ARMC9: variants seen among roughly 807,000 people sequenced by gnomAD.
The protein encoded by ARMC9 is armadillo repeat containing 9, also known as lisH domain-containing protein ARMC9.
In ARMC9, 94 loss-of-function variants were observed where a neutral mutation model predicts 107.0. That is an observed-to-expected ratio of 0.88 (90% CI 0.74 to 1.04). ARMC9 has a LOEUF of 1.04. ARMC9 is among the 50% of genes least tolerant of loss of function. The pLI is 0.00. For missense variants in ARMC9, 942 were observed against 1,030.1 expected (o/e 0.91, Z 1.17); for synonymous variants, 380 against 396.9 (o/e 0.96, Z 0.51).
intron 23 of ARMC9, among the ~76,000 whole-genome samples, chr2:231,365,497 A>G (rs2125597319): frequency 6.6e-6 from 1 of 152,292 alleles, no homozygotes; most frequent in East Asian, 1.9e-4. Flanking sequence ...ATTAAGCCCA[A>G]AGAAAAGCAT....
chr2:231,294,533 C>G (rs897084115), intron 18 of ARMC9: 1 of 152,392 alleles, frequency 6.6e-6, no homozygotes, highest in African/African-American at 2.4e-5. Context: ...GTCTACAAGG[C>G]ACTTCACTTC....
At chr2:231,287,867 T>G (rs1314357869) in intron 17 of ARMC9, among the ~76,000 whole-genome samples, 3 of 152,166 alleles carry the variant, frequency 2.0e-5, no homozygotes, top group African/African-American at 7.2e-5. Flanking sequence ...CATTCCAGCT[T>G]TATTGATCAT....
At chr2:231,256,033 C>T in intron 9 of ARMC9, 4 of 1,439,430 alleles carry the variant, frequency 2.8e-6, no homozygotes, top group Non-Finnish European at 3.7e-6. Flanking sequence ...GAGCAAGACT[C>T]AGTCTCAAAA....
intron 19 of ARMC9, among the ~76,000 whole-genome samples, chr2:231,326,340 T>G (rs577564248): frequency 1.3e-5 from 2 of 152,338 alleles, no homozygotes; most frequent in South Asian, 4.1e-4. Context: ...AAATGTAAGG[T>G]GGGTTCCTTA....
rs181890186 is a variant in ARMC9, at chr2:231,243,600, A to G, written c.879+3559A>G. Among the ~76,000 whole-genome samples, 330 of 152,274 alleles carry G rather than the reference A, an allele frequency of 2.2e-3. 6 individuals are homozygous for G. Among genetic ancestry groups the G allele is most frequent in the Admixed American group, 1.2e-3 (19 of 15,286 alleles). On this transcript the variant is annotated intron_variant, in intron 9 of 24. Transcript: ENST00000611582. ...ACCACTGGAAACCAGAGGAGGGAGG[A>G]TGAGTTATGTTTAGCTTAGTGATAA...
chr2:231,203,608 AG>A (rs2031449682), intron 1 of ARMC9, among the ~76,000 whole-genome samples: 1 of 151,282 alleles, frequency 6.6e-6, no homozygotes, highest in Non-Finnish European at 1.5e-5. Flanking sequence ...GAGGCAGAGG[AG>A]GGAGGATTGA....
intron 14 of ARMC9, 69 bp from the exon 15 acceptor site, chr2:231,276,567 G>C: frequency 6.2e-7 from 1 of 1,600,266 alleles, no homozygotes; most frequent in Non-Finnish European, 8.5e-7. Flanking sequence ...ACTGCTTCCA[G>C]CCTACTGTTT....
intron 9 of ARMC9, among the ~76,000 whole-genome samples, chr2:231,242,292 C>T (rs2036373431): frequency 6.6e-6 from 1 of 152,034 alleles, no homozygotes; most frequent in Non-Finnish European, 1.5e-5. Flanking sequence ...GAAGAGCAGG[C>T]GGCCTTGACC....
In ARMC9 at chr2:231,355,788, T is replaced by C. The variant is rs1487087816; in HGVS notation, c.1995-10T>C. 1 of 1,524,674 alleles carries C rather than the reference T, an allele frequency of 6.6e-7. No individual in the cohort carries two copies. The highest frequency in any genetic ancestry group is 1.4e-5 in the African/African-American group (1 of 72,938). 94.4% of individuals were successfully genotyped at this position (1,524,674 alleles called of 1,614,324 possible). On this transcript the variant is annotated splice_polypyrimidine_tract_variant and intron_variant, in intron 21 of 24. Transcript: ENST00000611582. ...CTGTACTCACTGCCGTTTTTCATGTTTTTCTCCAGGGTGGAAGACCAACAC... is the reference window on the plus strand; with the variant it reads ...CTGTACTCACTGCCGTTTTTCATGTCTTTCTCCAGGGTGGAAGACCAACAC...
At chr2:231,250,172 G>A (rs539349568) in intron 9 of ARMC9, among the ~76,000 whole-genome samples, 15 of 152,306 alleles carry the variant, frequency 9.8e-5, no homozygotes, top group East Asian at 1.9e-4. Context: ...CAGAGCCTCC[G>A]TAGCAGGTGG....
intron 19 of ARMC9, among the ~76,000 whole-genome samples, chr2:231,327,666 A>C (rs971739300): frequency 6.6e-6 from 1 of 152,196 alleles, no homozygotes; most frequent in African/African-American, 2.4e-5. Flanking sequence ...TATGCCAACA[A>C]GTTTTTATTT....
intron 19 of ARMC9, among the ~76,000 whole-genome samples, chr2:231,320,859 G>T (rs2042958683): frequency 6.6e-6 from 1 of 152,192 alleles, no homozygotes; most frequent in African/African-American, 2.4e-5. Context: ...GGGAACAGGT[G>T]GGGCCAAGCA....
At chr2:231,258,476 C>T (rs759204930) in intron 10 of ARMC9, among the ~76,000 whole-genome samples, 18 of 152,136 alleles carry the variant, frequency 1.2e-4, no homozygotes, top group East Asian at 3.9e-4. Context: ...CCACCACGCC[C>T]GGCCCCCGAC....
Position 231,360,172 on chromosome 2 carries a change from C to T in ARMC9, c.2132-582C>T, listed in dbSNP as rs1368363199. 2.6e-5 allele frequency among the ~76,000 whole-genome samples: 4 copies of T among 152,102 alleles called. No homozygotes were observed. The East Asian group carries it at 7.7e-4, about 29-fold the overall frequency. On this transcript the variant is annotated intron_variant, in intron 22 of 24. Transcript: ENST00000611582. The surrounding 1 kb of genome is among the most constrained non-coding windows in gnomAD (Gnocchi z 4.7). Reference sequence around the variant, plus strand: ...GCTATCTGGGATTCTCCGTCTGCTTCCCCGTGAAGGGCTCCTGCGTGTCCC... The same window carrying T: ...GCTATCTGGGATTCTCCGTCTGCTTTCCCGTGAAGGGCTCCTGCGTGTCCC...
At position 231,305,666 on chromosome 2, in the gene ARMC9, G is replaced by A. The variant is rs190096600; in HGVS notation, c.1773+9413G>A. Reference sequence around the variant, plus strand: ...AGGCTATCGTGTGTGTTTCTCTAGCGAAGGCAATATAACTTACCTACCCTG... The same window carrying A: ...AGGCTATCGTGTGTGTTTCTCTAGCAAAGGCAATATAACTTACCTACCCTG... On this transcript the variant is annotated intron_variant, in intron 19 of 24. Coordinates refer to ENST00000611582, the MANE Select transcript of ARMC9 (RefSeq NM_001352754.2). Among the ~76,000 whole-genome samples, 15 of 152,228 alleles carry A rather than the reference G, an allele frequency of 9.9e-5. No individual in the cohort carries two copies. The East Asian group carries it at 2.5e-3, about 25-fold the overall frequency.
Position 231,322,303 on chromosome 2 carries a change from G to A in ARMC9, c.1774-9490G>A, listed in dbSNP as rs547093611. Among the ~76,000 whole-genome samples, 32 of 152,364 alleles carry A rather than the reference G, an allele frequency of 2.1e-4. 1 individual carries two copies. In the South Asian group the frequency reaches 6.4e-3, roughly 31 times the overall value. On this transcript the variant is annotated intron_variant, in intron 19 of 24. Transcript: ENST00000611582. ...CACGCTGCCTGGCCTGGTCACCTCA[G>A]TCCACCCTCGCTCTCCCATGTGGAG...
Position 231,372,454 on chromosome 2 carries a change from G to A in ARMC9, c.*919G>A, listed in dbSNP as rs560755232. The A allele has an allele frequency of 4.2e-4, 63 of 150,116 alleles. No individual in the cohort carries two copies. The highest frequency in any genetic ancestry group is 1.4e-3 in the African/African-American group (55 of 39,384). The allele number at this position is 150,116 out of a possible 1,614,324, so 9.3% of individuals were successfully genotyped here. ...ACACGTTTTTTGAAGGCCTTAAAAA[G>A]GCCACCAGTGTGACCAGGGAGCACC... On this transcript the variant is annotated 3_prime_UTR_variant, in exon 25 of 25. Coordinates refer to ENST00000611582, the MANE Select transcript of ARMC9 (RefSeq NM_001352754.2).
At position 231,208,163 on chromosome 2, in the gene ARMC9, A is replaced by G. The variant is rs2032304158; in HGVS notation, c.88A>G (p.Thr30Ala). The G allele has an allele frequency of 1.1e-5, 18 of 1,599,622 alleles. No homozygotes were observed. The highest frequency in any genetic ancestry group is 1.5e-5 in the Non-Finnish European group (17 of 1,170,160). Residue 30 changes from threonine (T) to alanine (A), a missense_variant, in exon 3 of 25, where the codon ACA (threonine) becomes GCA (alanine). Transcript: ENST00000611582. ...TGCTGAATTTGAAGACACCTTGAAA[A>G]CATTTTCAAAAGAATGCAAAATAAA... ...DFAEFEDTLKTFSKECKIKGK... is the reference protein window; with the variant it reads ...DFAEFEDTLKAFSKECKIKGK...
intron 20 of ARMC9, 125 bp from the exon 21 acceptor site, chr2:231,344,850 T>C: frequency 1.0e-6 from 1 of 998,786 alleles, no homozygotes; most frequent in Non-Finnish European, 1.5e-6. Flanking sequence ...GACATGATCC[T>C]TCCTCATTTA....
Sources: gnomAD v4.1 joint callset for allele counts (sites outside exome capture counted in the v4.1 genomes callset) on GRCh38, gnomAD v4.1.1 for gene constraint, Gnocchi (gnomAD v3.1) non-coding constraint, MANE v1.5 for transcripts, NCBI Gene and HGNC (gene_info 2026-07-23, HGNC 2026-07-21) for gene names.